Variants in AKR1C2 observed in about 807,000 individuals in gnomAD.
AKR1C2 encodes 3-alpha-HSD3.
AKR1C2 carries 27 observed loss-of-function variants against 39.8 expected under a neutral mutation model. The ratio of observed to expected loss-of-function variants is 0.68; its 90% CI spans 0.50 to 0.93. The LOEUF (loss-of-function observed/expected upper bound fraction) is 0.93. AKR1C2 is among the 40% of genes least tolerant of loss of function. The probability of loss-of-function intolerance (pLI) is 0.00; values close to 1 mark genes in which losing one functional copy is unlikely to be tolerated. For missense variants in AKR1C2, 263 were observed against 365.1 expected (o/e 0.72, Z 2.28); for synonymous variants, 114 against 137.9 (o/e 0.83, Z 1.22).
chr10:5,006,207 A>G (rs1837399802), upstream of AKR1C2, among the ~76,000 whole-genome samples: 1 of 152,232 alleles, frequency 6.6e-6, no homozygotes, highest in Non-Finnish European at 1.5e-5. Context: ...AAATCATCAA[A>G]ATTTTTCAAA....
intron 1 of AKR1C2, among the ~76,000 whole-genome samples, chr10:5,016,955 G>C (rs1837654074): frequency 6.6e-6 from 1 of 152,234 alleles, no homozygotes; most frequent in Non-Finnish European, 1.5e-5. Flanking sequence ...CAATAGCTCA[G>C]GATGTATCTG....
intron 7 of AKR1C2, 38 bp downstream of exon 7, chr10:4,995,281 T>C: frequency 9.9e-7 from 1 of 1,011,668 alleles, no homozygotes; most frequent in South Asian, 1.8e-5. Context: ...TGAAGGACAC[T>C]GTGCAGGAGA....
At chr10:4,990,262 C>T (rs1278672588) in intron 8 of AKR1C2, among the ~76,000 whole-genome samples, 1 of 152,172 alleles carries the variant, frequency 6.6e-6, no homozygotes, top group East Asian at 1.9e-4. Context: ...GAACTTAACA[C>T]ATAAAACACA....
At chr10:5,000,436 T>A in intron 3 of AKR1C2, 114 bp downstream of exon 3, 1 of 1,597,658 alleles carries the variant, frequency 6.3e-7, no homozygotes, top group Non-Finnish European at 8.5e-7. Context: ...GGGCTCTTCT[T>A]CCATGTTAAA....
chr10:4,994,185 G>A (rs1456760103), intron 7 of AKR1C2, among the ~76,000 whole-genome samples: 1 of 151,512 alleles, frequency 6.6e-6, no homozygotes, highest in Non-Finnish European at 1.5e-5. Context: ...TAACTAATTA[G>A]AAAACATACA....
intron 1 of AKR1C2, chr10:5,013,187 T>G (rs572940305): frequency 6.6e-6 from 1 of 152,222 alleles, no homozygotes; most frequent in African/African-American, 2.4e-5. Context: ...ACCCCCGAAC[T>G]TAAAATAAAA....
At chr10:5,001,731 TA>T in intron 1 of AKR1C2, 50 bp from the exon 2 acceptor site, 1 of 1,609,708 alleles carries the variant, frequency 6.2e-7, no homozygotes. Context: ...GCCTGAGAGT[TA>T]GTTCGGGCAC....
chr10:5,002,223 T>A (rs1837295687), intron 1 of AKR1C2, among the ~76,000 whole-genome samples: 1 of 152,200 alleles, frequency 6.6e-6, no homozygotes, highest in Non-Finnish European at 1.5e-5. Context: ...ATTGACTCAC[T>A]CTGCCTAGCA....
intron 1 of AKR1C2, among the ~76,000 whole-genome samples, chr10:5,013,122 T>G (rs75330367): frequency 1.3e-5 from 2 of 152,106 alleles, no homozygotes; most frequent in African/African-American, 4.8e-5. Context: ...ACAAAATAAT[T>G]TGTAGAACAA....
chr10:4,993,543 C>A (rs562220364), intron 7 of AKR1C2, among the ~76,000 whole-genome samples: 34 of 151,970 alleles, frequency 2.2e-4, no homozygotes, highest in African/African-American at 8.2e-4. Flanking sequence ...TGTAAGATAA[C>A]ACAGTAAAAT....
At chr10:5,007,240 T>C (rs1199369795), upstream of AKR1C2, among the ~76,000 whole-genome samples, 1 of 141,078 alleles carries the variant, frequency 7.1e-6, no homozygotes, top group Non-Finnish European at 1.6e-5. Flanking sequence ...TAAAGACCTC[T>C]CGTAAAGGTA....
At chr10:5,000,811 T>A (rs1317180994) in intron 2 of AKR1C2, 145 bp from the exon 3 acceptor site, 1 of 681,160 alleles carries the variant, frequency 1.5e-6, no homozygotes, top group Non-Finnish European at 2.6e-6. Flanking sequence ...GTGATGCCTT[T>A]TGTTCTGCCA....
At position 4,995,520 on chromosome 10, in the gene AKR1C2, C is replaced by T. The variant is rs375669581; in HGVS notation, c.681-36G>A. Reference sequence around the variant, plus strand: ...AGGCAGAAAGGCTGAGGCCCTGAGGCTGGCGATAGTTTGTTAGGCGGCTCC... The same window carrying T: ...AGGCAGAAAGGCTGAGGCCCTGAGGTTGGCGATAGTTTGTTAGGCGGCTCC... On this transcript the variant is annotated intron_variant, in intron 6 of 8. Transcript: ENST00000380753. 35 of 1,563,058 alleles carry T rather than the reference C, an allele frequency of 2.2e-5. No individual in the cohort carries two copies. In the African/African-American group the frequency reaches 4.6e-4, roughly 20 times the overall value.
chr10:5,012,781 C>T (rs1256033072), intron 1 of AKR1C2, among the ~76,000 whole-genome samples: 2 of 152,178 alleles, frequency 1.3e-5, no homozygotes, highest in South Asian at 2.1e-4. Context: ...TGAATTCAAA[C>T]GTGATTCAGC....
intron 1 of AKR1C2, chr10:5,014,771 C>T (rs1277967573): frequency 1.3e-5 from 2 of 152,226 alleles, no homozygotes; most frequent in Non-Finnish European, 2.9e-5. Context: ...GTTGCCAATA[C>T]CTCCAATAGC....
At chr10:4,996,543 A>G (rs1837049816) in intron 5 of AKR1C2, among the ~76,000 whole-genome samples, 1 of 128,510 alleles carries the variant, frequency 7.8e-6, no homozygotes, top group South Asian at 3.2e-4. Context: ...TATTATATAT[A>G]TATAATATAT....
chr10:5,000,601 A>C lies in AKR1C2; in HGVS notation c.318T>G (p.Leu106=). 5 of 1,614,040 alleles carry C rather than the reference A, an allele frequency of 3.1e-6. No homozygotes were observed. The highest frequency in any genetic ancestry group is 4.2e-6 in the Non-Finnish European group (5 of 1,179,928). ...RPALERSLKN[L]QLDYVDLYLI... ...GATAGAGGTCAACATAGTCCAATTGAAGATTTTTCAGTGACCTTTCCAAGG... is the reference window on the plus strand; with the variant it reads ...GATAGAGGTCAACATAGTCCAATTGCAGATTTTTCAGTGACCTTTCCAAGG... The change falls in exon 3 of 9, where the codon CTT becomes CTG. Residue 106 remains leucine, a synonymous_variant. Coordinates refer to ENST00000380753, the MANE Select transcript of AKR1C2 (RefSeq NM_001393392.1).
At chr10:5,014,732 G>C (rs1554775206) in intron 1 of AKR1C2, among the ~76,000 whole-genome samples, 1 of 152,186 alleles carries the variant, frequency 6.6e-6, no homozygotes, top group African/African-American at 2.4e-5. Context: ...TGATGGCATG[G>C]ACAATGTCTA....
At chr10:5,013,558 G>A (rs774185725) in intron 1 of AKR1C2, 27 of 191,118 alleles carry the variant, frequency 1.4e-4, no homozygotes, top group Non-Finnish European at 2.5e-4. Flanking sequence ...CCAGCAGTTA[G>A]TGATTGAAAC....
Sources: gnomAD v4.1 joint callset for allele counts (sites outside exome capture counted in the v4.1 genomes callset) on GRCh38, gnomAD v4.1.1 for gene constraint, MANE v1.5 for transcripts, NCBI Gene and HGNC (gene_info 2026-07-23, HGNC 2026-07-21) for gene names.